The following ITGA9 variants were observed in gnomAD, a reference collection of about 807,000 sequenced individuals.
ITGA9 encodes the protein integrin alpha-9.
ITGA9 carries 56 observed loss-of-function variants against 127.8 expected under a neutral mutation model. The ratio of observed to expected loss-of-function variants is 0.44; its 90% CI spans 0.35 to 0.55. ITGA9 has a LOEUF of 0.55. Among genes scored for constraint, ITGA9 ranks in the 20% least tolerant of loss-of-function variants. The pLI is 0.00. For missense variants in ITGA9, 1,196 were observed against 1,347.1 expected (o/e 0.89, Z 1.76); for synonymous variants, 508 against 514.5 (o/e 0.99, Z 0.17).
chr3:37,759,125 A>G lies in ITGA9; in HGVS notation c.2541+8556A>G, dbSNP rs1044859284. On this transcript the variant is annotated intron_variant, in intron 23 of 27. Transcript: ENST00000264741. ...CATATACCCACATACATATATATGCATACATGCAATATATATTTTGCCAGC... is the reference window on the plus strand; with the variant it reads ...CATATACCCACATACATATATATGCGTACATGCAATATATATTTTGCCAGC... Among the ~76,000 whole-genome samples the G allele has an allele frequency of 4.6e-5, 7 of 152,042 alleles. No homozygotes were observed. The South Asian group carries it at 1.2e-3, about 27-fold the overall frequency.
At chr3:37,606,640 T>C (rs1017235931) in intron 15 of ITGA9, among the ~76,000 whole-genome samples, 28 of 152,144 alleles carry the variant, frequency 1.8e-4, no homozygotes, top group African/African-American at 6.0e-4. Context: ...TGGACAGTTA[T>C]GGGGGATTGC....
chr3:37,498,170 A>C (rs1698751544), intron 5 of ITGA9, among the ~76,000 whole-genome samples: 1 of 152,208 alleles, frequency 6.6e-6, no homozygotes, highest in Non-Finnish European at 1.5e-5. Flanking sequence ...GTCTGCTTTC[A>C]GACACAGGGA....
rs1697530458 is a variant in ITGA9 at position 37,822,871 on chromosome 3, T to C, written c.*3882T>C. 1 of 152,234 alleles carries C rather than the reference T, an allele frequency of 6.6e-6. No individual in the cohort carries two copies. The highest frequency in any genetic ancestry group is 6.5e-5 in the Admixed American group (1 of 15,278). The allele number at this position is 152,234 out of a possible 1,614,324, so 9.4% of individuals were successfully genotyped here. On this transcript the variant is annotated 3_prime_UTR_variant, in exon 28 of 28. Coordinates refer to ENST00000264741, the MANE Select transcript of ITGA9 (RefSeq NM_002207.3). ...TGAAACGTACATCTGGTGAACTGTA[T>C]ACTTGGCTCAAACTTCTCAAAATTT...
intron 1 of ITGA9, among the ~76,000 whole-genome samples, chr3:37,469,135 C>T (rs1431052987): frequency 1.3e-5 from 2 of 152,224 alleles, no homozygotes; most frequent in Non-Finnish European, 2.9e-5. Flanking sequence ...TGCACTCACA[C>T]AGGCCCAAAC....
chr3:37,668,788 G>A (rs1479333502), intron 17 of ITGA9, among the ~76,000 whole-genome samples: 1 of 152,230 alleles, frequency 6.6e-6, no homozygotes, highest in African/African-American at 2.4e-5. Flanking sequence ...AGGTGAACAA[G>A]AAGGCTGCCC....
At chr3:37,680,323 C>G (rs1661877005) in intron 17 of ITGA9, among the ~76,000 whole-genome samples, 1 of 152,116 alleles carries the variant, frequency 6.6e-6, no homozygotes, top group Admixed American at 6.5e-5. Flanking sequence ...TAGTCAAAGA[C>G]TTTTTTAGCT....
intron 5 of ITGA9, among the ~76,000 whole-genome samples, chr3:37,502,234 T>TC (rs1698794035): frequency 6.7e-6 from 1 of 148,470 alleles, no homozygotes; most frequent in African/African-American, 2.5e-5. Context: ...TTTTTTTTTT[T>TC]GGCAGAGTCT....
intron 5 of ITGA9, among the ~76,000 whole-genome samples, chr3:37,501,263 A>T (rs1698784466): frequency 6.6e-6 from 1 of 152,180 alleles, no homozygotes. Flanking sequence ...CCTCTGATGG[A>T]TACAAGCACA....
intron 23 of ITGA9, among the ~76,000 whole-genome samples, chr3:37,754,495 C>A (rs1280650371): frequency 6.6e-6 from 1 of 152,170 alleles, no homozygotes; most frequent in African/African-American, 2.4e-5. Context: ...AAATATCATA[C>A]CATTCATTCC....
At chr3:37,616,796 T>C (rs1175325099) in intron 15 of ITGA9, among the ~76,000 whole-genome samples, 2 of 152,222 alleles carry the variant, frequency 1.3e-5, no homozygotes, top group African/African-American at 4.8e-5. Context: ...CCCCTGCCAT[T>C]TTTTGTTTTC....
rs78880512 is a variant in ITGA9, at chr3:37,806,595, A to G, written c.3009+2653A>G. 0.024 allele frequency: 3,672 copies of G among 152,532 alleles called. 63 individuals are homozygous for G. The highest frequency in any genetic ancestry group is 0.078 in the East Asian group (403 of 5,184). 9.4% of individuals were successfully genotyped at this position (152,532 alleles called of 1,614,324 possible). ...TTGTTTAAAAAAGCATGGTTGCAGG[A>G]GATGCTGTCATGGGTGGGGAGAACC... On this transcript the variant is annotated intron_variant, in intron 27 of 27. Transcript: ENST00000264741. This position sits in a 1 kb window ranked among gnomAD's most constrained non-coding sequence, Gnocchi z 4.3.
At chr3:37,561,562 T>G (rs1699488032) in intron 15 of ITGA9, among the ~76,000 whole-genome samples, 1 of 152,226 alleles carries the variant, frequency 6.6e-6, no homozygotes. Context: ...GGTTCTGACT[T>G]TCCTAAACTG....
chr3:37,470,912 C>A, intron 1 of ITGA9, 95 bp from the exon 2 acceptor site: 1 of 1,314,408 alleles, frequency 7.6e-7, no homozygotes, highest in Non-Finnish European at 1.1e-6. Context: ...AGTGAGCACT[C>A]AGAGAGCCCA....
chr3:37,540,073 G>C (rs958744289), intron 14 of ITGA9, among the ~76,000 whole-genome samples: 10 of 152,200 alleles, frequency 6.6e-5, no homozygotes, highest in African/African-American at 2.4e-4. Flanking sequence ...GGATATGGGT[G>C]GGGGAGCAAT....
chr3:37,483,377 C>T (rs1332762165), intron 4 of ITGA9, among the ~76,000 whole-genome samples: 1 of 152,092 alleles, frequency 6.6e-6, no homozygotes, highest in Non-Finnish European at 1.5e-5. Flanking sequence ...GGTCTTTACA[C>T]ATTCTCTCAT....
chr3:37,686,116 G>C (rs1700779878), intron 18 of ITGA9, among the ~76,000 whole-genome samples: 1 of 152,134 alleles, frequency 6.6e-6, no homozygotes. Context: ...TTTTCAGAGG[G>C]TGTGAAGTCA....
chr3:37,615,571 A>C (rs1700065735), intron 15 of ITGA9, among the ~76,000 whole-genome samples: 1 of 152,240 alleles, frequency 6.6e-6, no homozygotes, highest in African/African-American at 2.4e-5. Flanking sequence ...CTCTGGTAGA[A>C]TTCGGCTGTG....
chr3:37,505,713 T>G (rs1698833339), intron 6 of ITGA9, among the ~76,000 whole-genome samples: 1 of 152,208 alleles, frequency 6.6e-6, no homozygotes, highest in Non-Finnish European at 1.5e-5. Context: ...GTATGAAAAC[T>G]ATGCCTTGAA....
chr3:37,679,286 C>T (rs1700712215), intron 17 of ITGA9, among the ~76,000 whole-genome samples: 1 of 151,950 alleles, frequency 6.6e-6, no homozygotes, highest in African/African-American at 2.4e-5. Flanking sequence ...TAAATAAGCA[C>T]CCCTGGAATG....
Sources: allele counts gnomAD v4.1 joint callset (sites outside exome capture counted in the v4.1 genomes callset), GRCh38; gene constraint gnomAD v4.1.1; non-coding constraint Gnocchi (gnomAD v3.1); transcripts MANE v1.5; gene names NCBI Gene and HGNC (gene_info 2026-07-23, HGNC 2026-07-21).